Variants in ZNF536 observed in about 807,000 individuals in gnomAD.
The protein encoded by ZNF536 is zinc finger protein 536.
ZNF536 carries 13 observed loss-of-function variants against 84.5 expected under a neutral mutation model. The ratio of observed to expected loss-of-function variants is 0.15; its 90% CI spans 0.10 to 0.24. The LOEUF is 0.24. Ranked by LOEUF, ZNF536 falls within the 10% of genes least tolerant of loss-of-function variation. The pLI is 1.00. For synonymous variants in ZNF536, 811 were observed against 742.5 expected (o/e 1.09, Z -1.50); for missense variants, 1,536 against 1,747.5 (o/e 0.88, Z 2.16).
At chr19:30,705,676 C>T (rs73927162) in intron 1 of ZNF536, among the ~76,000 whole-genome samples, 69 of 152,222 alleles carry the variant, frequency 4.5e-4, no homozygotes, top group African/African-American at 7.9e-4. Context: ...TCTTTAGGTA[C>T]TATCAGTATT....
chr19:30,324,206 A>G (rs1486646657), intron 2 of ZNF536, among the ~76,000 whole-genome samples: 1 of 150,490 alleles, frequency 6.6e-6, no homozygotes, highest in Non-Finnish European at 1.5e-5. Flanking sequence ...AATCTATCAT[A>G]TATCCATCAT....
At position 30,441,144 on chromosome 19, in the gene ZNF536, C is replaced by T. The variant is rs372454142; in HGVS notation, c.-2-2417C>T. Among the ~76,000 whole-genome samples, 9 of 152,262 alleles carry T rather than the reference C, an allele frequency of 5.9e-5. No individual in the cohort carries two copies. The East Asian group carries it at 1.2e-3, about 20-fold the overall frequency. On this transcript the variant is annotated intron_variant, in intron 1 of 4. Coordinates refer to ENST00000355537, the MANE Select transcript of ZNF536 (RefSeq NM_014717.3). ...CCTTCTTTCCCTCCTGCTGAATTGGCGTCAGCTCATCAGCAGCAACCTGAA... is the reference window on the plus strand; with the variant it reads ...CCTTCTTTCCCTCCTGCTGAATTGGTGTCAGCTCATCAGCAGCAACCTGAA...
At chr19:30,520,409 A>T (rs1035169352) in intron 2 of ZNF536, among the ~76,000 whole-genome samples, 3 of 152,034 alleles carry the variant, frequency 2.0e-5, no homozygotes, top group Non-Finnish European at 4.4e-5. Flanking sequence ...GACCAATGGG[A>T]TGCTGAGGCC....
intron 1 of ZNF536, among the ~76,000 whole-genome samples, chr19:30,440,535 A>G (rs1210407939): frequency 6.6e-6 from 1 of 152,210 alleles, no homozygotes. Flanking sequence ...TTAGGACCCA[A>G]GGCTTCATCC....
intron 3 of ZNF536, among the ~76,000 whole-genome samples, chr19:30,364,641 G>T (rs1338444655): frequency 6.6e-6 from 1 of 152,228 alleles, no homozygotes; most frequent in Non-Finnish European, 1.5e-5. Flanking sequence ...AGCTAAGTTT[G>T]GGGTGTCCAG....
chr19:30,493,089 C>CTTTTT lies in ZNF536; in HGVS notation c.2171-41735_2171-41731dup, dbSNP rs201787656. Among the ~76,000 whole-genome samples, 17 of 71,604 alleles carry CTTTTT rather than the reference C, an allele frequency of 2.4e-4. 2 individuals are homozygous for CTTTTT. Among genetic ancestry groups the CTTTTT allele is most frequent in the Middle Eastern group, 0.02 (2 of 98 alleles). 47.0% of individuals were successfully genotyped at this position (71,604 alleles called of 152,430 possible). ...AATATCTCTCTTGCAATATTACTCA[C>CTTTTT]TTTTTTTTTTTTTTTTTTTTTTTTT... On this transcript the variant is annotated intron_variant, in intron 2 of 4. Transcript: ENST00000355537.
intron 1 of ZNF536, among the ~76,000 whole-genome samples, chr19:30,255,463 G>T (rs143802631): frequency 2.0e-5 from 3 of 152,250 alleles, no homozygotes; most frequent in Non-Finnish European, 4.4e-5. Flanking sequence ...GGATGCATTA[G>T]GTTTGGGGGT....
At chr19:30,599,068 CCTCCCTGTTTCCTCTT>C (rs2047578711) in intron 1 of ZNF536, among the ~76,000 whole-genome samples, 1 of 132,362 alleles carries the variant, frequency 7.6e-6, no homozygotes, top group African/African-American at 2.9e-5. Flanking sequence ...CTCCTCCCTC[CCTCCCTGTTTCCTCTT>C]TCCCTCCTCT....
intron 1 of ZNF536, among the ~76,000 whole-genome samples, chr19:30,681,169 G>A (rs960751958): frequency 6.6e-6 from 1 of 152,156 alleles, no homozygotes; most frequent in Non-Finnish European, 1.5e-5. Flanking sequence ...TATCCTCCAT[G>A]GATATGGAAA....
At chr19:30,545,437 G>A (rs577347943) in intron 3 of ZNF536, among the ~76,000 whole-genome samples, 45 of 117,728 alleles carry the variant, frequency 3.8e-4, no homozygotes, top group Middle Eastern at 8.9e-3. Context: ...TTGCTCTGTC[G>A]CCCAGGCTGG....
chr19:30,364,557 T>C (rs1356291553), intron 3 of ZNF536, among the ~76,000 whole-genome samples: 1 of 152,154 alleles, frequency 6.6e-6, no homozygotes, highest in East Asian at 1.9e-4. Context: ...ACCAGCCTCT[T>C]GCAGAACTTG....
At chr19:30,606,435 A>G (rs567493583) in intron 1 of ZNF536, among the ~76,000 whole-genome samples, 2 of 152,170 alleles carry the variant, frequency 1.3e-5, no homozygotes, top group South Asian at 2.1e-4. Context: ...TCTGGTCTTC[A>G]TGGTGGGATG....
chr19:30,438,152 A>G (rs995346425), intron 1 of ZNF536, among the ~76,000 whole-genome samples: 3 of 152,032 alleles, frequency 2.0e-5, no homozygotes, highest in Non-Finnish European at 2.9e-5. Flanking sequence ...ACATGGGTAT[A>G]TTGCATAATG....
chr19:30,238,005 G>T (rs987225590), intron 1 of ZNF536, among the ~76,000 whole-genome samples: 1 of 152,148 alleles, frequency 6.6e-6, no homozygotes, highest in African/African-American at 2.4e-5. Context: ...AGCGCATTTT[G>T]ATCTTTGAGC....
rs1396307030 is a variant in ZNF536, at chr19:30,443,863, G to C, written c.301G>C (p.Asp101His). Residue 101 changes from aspartate (D) to histidine (H), a missense_variant, in exon 2 of 5, where the codon GAC becomes CAC. Transcript: ENST00000355537. ...EVDTSLNGRV[D>H]LQQFLNGQNL... ...GGACACCAGCCTCAACGGGAGGGTG[G>C]ACTTGCAGCAGTTCCTCAACGGGCA... The C allele has an allele frequency of 6.2e-7, 1 of 1,613,528 alleles. No homozygotes were observed. The highest frequency in any genetic ancestry group is 1.7e-5 in the Admixed American group (1 of 60,016).
intron 1 of ZNF536, among the ~76,000 whole-genome samples, chr19:30,675,869 T>G (rs79235125): frequency 1.9e-3 from 288 of 152,292 alleles, no homozygotes; most frequent in African/African-American, 6.6e-3. Context: ...TTTTATTTTT[T>G]ATTTTTGACA....
intron 1 of ZNF536, among the ~76,000 whole-genome samples, chr19:30,397,872 C>A (rs1254833086): frequency 6.6e-6 from 1 of 152,134 alleles, no homozygotes; most frequent in East Asian, 1.9e-4. Flanking sequence ...AGAGAGAATA[C>A]CCTAACAGAA....
intron 1 of ZNF536, among the ~76,000 whole-genome samples, chr19:30,411,090 AT>A (rs2050477761): frequency 6.6e-6 from 1 of 152,178 alleles, no homozygotes; most frequent in Admixed American, 6.5e-5. Context: ...TCTTTCTCCA[AT>A]TAAAAAAATG....
At chr19:30,586,574 C>T (rs953660227) in intron 1 of ZNF536, among the ~76,000 whole-genome samples, 3 of 152,118 alleles carry the variant, frequency 2.0e-5, no homozygotes, top group African/African-American at 7.2e-5. Flanking sequence ...ATATAATTTC[C>T]ACTATTGACT....
Sources: allele counts gnomAD v4.1 joint callset (sites outside exome capture counted in the v4.1 genomes callset), GRCh38; gene constraint gnomAD v4.1.1; transcripts MANE v1.5; gene names NCBI Gene and HGNC (gene_info 2026-07-23, HGNC 2026-07-21).